The following LAPTM4B variants were observed in gnomAD, a reference collection of about 807,000 sequenced individuals.
LAPTM4B encodes the protein lysosomal-associated transmembrane protein 4B.
LAPTM4B carries 26 observed loss-of-function variants against 28.5 expected under a neutral mutation model. The ratio of observed to expected loss-of-function variants is 0.91; its 90% CI spans 0.67 to 1.27. LAPTM4B has a LOEUF of 1.27. Among genes scored for constraint, LAPTM4B ranks in the 50% most tolerant of loss-of-function variants. The pLI, the probability that LAPTM4B is intolerant of heterozygous loss-of-function variation, is 0.00. For missense variants in LAPTM4B, 288 were observed against 285.8 expected (o/e 1.01, Z -0.06); for synonymous variants, 109 against 106.4 (o/e 1.02, Z -0.15).
chr8:97,776,352 C>T (rs905979533), intron 1 of LAPTM4B, among the ~76,000 whole-genome samples: 1 of 152,248 alleles, frequency 6.6e-6, no homozygotes, highest in Non-Finnish European at 1.5e-5. Context: ...GCACTCGACC[C>T]TTGGCGCCCA....
intron 4 of LAPTM4B, among the ~76,000 whole-genome samples, chr8:97,816,446 T>C (rs1816917545): frequency 1.3e-5 from 2 of 152,102 alleles, no homozygotes; most frequent in South Asian, 4.1e-4. Flanking sequence ...TATAGGCATG[T>C]ACCAACATAC....
At chr8:97,812,344 C>T (rs778850264) in intron 2 of LAPTM4B, among the ~76,000 whole-genome samples, 10 of 151,394 alleles carry the variant, frequency 6.6e-5, no homozygotes, top group East Asian at 1.9e-4. Context: ...CTTGGCCTCC[C>T]GAGTAGCTGG....
At chr8:97,789,414 G>A (rs1255723819) in intron 1 of LAPTM4B, among the ~76,000 whole-genome samples, 3 of 151,772 alleles carry the variant, frequency 2.0e-5, no homozygotes, top group East Asian at 2.0e-4. Context: ...AGGCTGGAGC[G>A]CAGTGGTGTG....
rs765343213 is a variant in LAPTM4B, at chr8:97,851,492, G to C, written c.*18G>C. The C allele has an allele frequency of 1.9e-5, 31 of 1,592,416 alleles. 1 individual carries two copies. The East Asian group carries it at 5.1e-4, about 26-fold the overall frequency. On this transcript the variant is annotated 3_prime_UTR_variant, in exon 7 of 7. Coordinates refer to ENST00000521545, the MANE Select transcript of LAPTM4B (RefSeq NM_018407.6). ...CTGCCTAAGCCTTCAAGTGGGCGGA[G>C]CTGAGGGCAGCAGCTTGACTTTGCA...
At chr8:97,839,800 A>T (rs979184264) in intron 6 of LAPTM4B, among the ~76,000 whole-genome samples, 15 of 152,198 alleles carry the variant, frequency 9.9e-5, no homozygotes, top group African/African-American at 3.6e-4. Context: ...GTCCATATTG[A>T]TTTTACTCTA....
chr8:97,816,360 G>A (rs1306191823), intron 4 of LAPTM4B, among the ~76,000 whole-genome samples, 180 bp downstream of exon 4: 1 of 151,932 alleles, frequency 6.6e-6, no homozygotes, highest in Non-Finnish European at 1.5e-5. Flanking sequence ...CGTCACCCAG[G>A]CTGGAGTGCA....
intron 1 of LAPTM4B, among the ~76,000 whole-genome samples, chr8:97,793,043 G>GAA (rs3072546): frequency 3.9e-5 from 6 of 151,900 alleles, no homozygotes; most frequent in African/African-American, 7.2e-5. Flanking sequence ...ACTCTAGAAT[G>GAA]AAAAAAAAAT....
chr8:97,816,439 A>G lies in LAPTM4B; in HGVS notation c.408+259A>G, dbSNP rs1017031218. On this transcript the variant is annotated intron_variant, in intron 4 of 6. Transcript: ENST00000521545. ...CAGCCTCCCAGCTAGCTGGGATTAT[A>G]GGCATGTACCAACATACCTGGCTAA... 3.8e-4 allele frequency among the ~76,000 whole-genome samples: 57 copies of G among 151,934 alleles called. 2 individuals are homozygous for G. The highest frequency in any genetic ancestry group is 3.7e-3 in the Admixed American group (56 of 15,244).
At chr8:97,787,872 G>A (rs535506518) in intron 1 of LAPTM4B, among the ~76,000 whole-genome samples, 9 of 151,236 alleles carry the variant, frequency 6.0e-5, no homozygotes, top group African/African-American at 9.7e-5. Context: ...TCACTTTGTC[G>A]CCCAGGCTGG....
At position 97,816,123 on chromosome 8, in the gene LAPTM4B, G is replaced by A; in HGVS notation, c.351G>A (p.Leu117=). ...TCTTTGACTTTGCCCTGAACATGTT[G>A]GTTGCAATCACTGTGCTTATTTATC... The part of the protein sequence containing the change: ...YQIFDFALNM[L]VAITVLIYPN... The change falls in exon 4 of 7, where the codon TTG becomes TTA. Residue 117 remains leucine, a synonymous_variant. Transcript: ENST00000521545. 6.2e-7 allele frequency: 1 copy of A among 1,613,856 alleles called. No homozygotes were observed. The highest frequency in any genetic ancestry group is 8.5e-7 in the Non-Finnish European group (1 of 1,179,824).
At chr8:97,789,063 TTTATTTA>T (rs1662729912) in intron 1 of LAPTM4B, among the ~76,000 whole-genome samples, 1 of 147,218 alleles carries the variant, frequency 6.8e-6, no homozygotes, top group Non-Finnish European at 1.5e-5. Flanking sequence ...TATTTATTTA[TTTATTTA>T]TTTATTTATT....
intron 1 of LAPTM4B, among the ~76,000 whole-genome samples, chr8:97,783,020 G>A (rs1272605268): frequency 6.8e-5 from 10 of 147,588 alleles, no homozygotes; most frequent in Admixed American, 6.8e-5. Flanking sequence ...TGATCTGCCC[G>A]CCTTGGCCTC....
intron 2 of LAPTM4B, among the ~76,000 whole-genome samples, chr8:97,813,785 TTA>T (rs1340330505): frequency 1.3e-5 from 2 of 152,218 alleles, no homozygotes; most frequent in Non-Finnish European, 2.9e-5. Flanking sequence ...AGTATGCAGA[TTA>T]TGTTTTCCCC....
chr8:97,809,589 A>C (rs1255337245), intron 2 of LAPTM4B, among the ~76,000 whole-genome samples: 1 of 152,136 alleles, frequency 6.6e-6, no homozygotes, highest in Non-Finnish European at 1.5e-5. Flanking sequence ...AATCCCAGCT[A>C]CTTGGAAGGC....
intron 6 of LAPTM4B, among the ~76,000 whole-genome samples, chr8:97,827,543 C>G (rs1817108696): frequency 6.6e-6 from 1 of 152,208 alleles, no homozygotes; most frequent in Non-Finnish European, 1.5e-5. Flanking sequence ...GGAACCTCAA[C>G]TTGAAGGCTG....
At chr8:97,779,905 G>C (rs1458096813) in intron 1 of LAPTM4B, among the ~76,000 whole-genome samples, 3 of 151,576 alleles carry the variant, frequency 2.0e-5, no homozygotes, top group Non-Finnish European at 2.9e-5. Flanking sequence ...TACAAAATTA[G>C]TCGGGCGCAG....
At chr8:97,829,012 G>A (rs1292920601) in intron 6 of LAPTM4B, among the ~76,000 whole-genome samples, 2 of 152,188 alleles carry the variant, frequency 1.3e-5, no homozygotes, top group Non-Finnish European at 2.9e-5. Context: ...CATGTAGGTG[G>A]AAGAGCTGCA....
intron 1 of LAPTM4B, among the ~76,000 whole-genome samples, chr8:97,799,129 T>C (rs977928995): frequency 3.3e-5 from 5 of 152,162 alleles, no homozygotes; most frequent in African/African-American, 1.2e-4. Flanking sequence ...ACATAGGCCC[T>C]AAGATAAAGT....
Position 97,851,533 on chromosome 8 carries a change from G to T in LAPTM4B, c.*59G>T, listed in dbSNP as rs12544539. On this transcript the variant is annotated 3_prime_UTR_variant, in exon 7 of 7. Coordinates refer to ENST00000521545, the MANE Select transcript of LAPTM4B (RefSeq NM_018407.6). ...TGACTTTGCAGACATCTGAGCAATA[G>T]TTCTGTTATTTCACTTTTGCCATGA... The T allele has an allele frequency of 5.5e-6, 7 of 1,276,322 alleles. No homozygotes were observed. The Admixed American group carries it at 1.2e-4, about 22-fold the overall frequency. The allele number at this position is 1,276,322 out of a possible 1,614,324, so 79.1% of individuals were successfully genotyped here.
Sources: allele counts gnomAD v4.1 joint callset (sites outside exome capture counted in the v4.1 genomes callset), GRCh38; gene constraint gnomAD v4.1.1; transcripts MANE v1.5; gene names NCBI Gene and HGNC (gene_info 2026-07-23, HGNC 2026-07-21).